ASMTL: variants seen among roughly 807,000 people sequenced by gnomAD.
ASMTL encodes probable bifunctional dTTP/UTP pyrophosphatase/methyltransferase protein.
ASMTL carries 57 observed loss-of-function variants against 60.3 expected under a neutral mutation model. That is an observed-to-expected ratio of 0.95 (90% confidence interval 0.76 to 1.18). The LOEUF (loss-of-function observed/expected upper bound fraction) is 1.18, where lower values mean the gene tolerates loss of function less well. Ranked by LOEUF, ASMTL falls within the 50% of genes most tolerant of loss-of-function variation. ASMTL has a pLI of 0.00. For missense variants in ASMTL, 981 were observed against 852.6 expected (o/e 1.15, Z -1.88); for synonymous variants, 419 against 373.0 (o/e 1.12, Z -1.42).
intron 11 of ASMTL, among the ~76,000 whole-genome samples, chrX:1,416,764 T>G (rs2090292282): frequency 2.3e-5 from 2 of 88,266 alleles, no homozygotes; most frequent in Admixed American, 1.2e-4. Context: ...CACAGACACA[T>G]GCACACACAG....
chrX:1,418,717 G>C (rs1368019956), intron 10 of ASMTL, among the ~76,000 whole-genome samples: 6 of 152,136 alleles, frequency 3.9e-5, no homozygotes, highest in African/African-American at 1.4e-4. Context: ...TTGCTGAGGG[G>C]AATCCAGGGG....
chrX:1,418,443 G>A lies in ASMTL; in HGVS notation c.1379-327C>T, dbSNP rs113376224. ...CACGTGTAGGGGGCACAGACCTACAGGGAAATCCTTTCTGCCCAGGGGTGG... is the reference window on the plus strand; with the variant it reads ...CACGTGTAGGGGGCACAGACCTACAAGGAAATCCTTTCTGCCCAGGGGTGG... On this transcript the variant is annotated intron_variant, in intron 10 of 12. Transcript: ENST00000381317. Among the ~76,000 whole-genome samples, 301 of 152,016 alleles carry A rather than the reference G, an allele frequency of 2.0e-3. 2 individuals carry two copies. The highest frequency in any genetic ancestry group is 6.7e-3 in the African/African-American group (277 of 41,456).
rs1455064127 is a variant in ASMTL at position 1,428,035 on chromosome X, A to C, written c.596T>G (p.Phe199Cys). ...VHGDFLNVVGFPLNHFCKQLV... is the reference protein window; with the variant it reads ...VHGDFLNVVGCPLNHFCKQLV... ...CTGCTTGCAGAAGTGGTTCAGCGGGAATCCCACCACGTTCAGAAAGTCCCC... is the reference window on the plus strand; with the variant it reads ...CTGCTTGCAGAAGTGGTTCAGCGGGCATCCCACCACGTTCAGAAAGTCCCC... Residue 199 changes from phenylalanine to cysteine, a missense_variant, in exon 7 of 13, where the codon TTC (phenylalanine) becomes TGC (cysteine). By Grantham distance (205) the Phe-to-Cys change is radical. Coordinates refer to ENST00000381317, the MANE Select transcript of ASMTL (RefSeq NM_004192.4). 1 of 1,613,584 alleles carries C rather than the reference A, an allele frequency of 6.2e-7. No individual in the cohort carries two copies. The highest frequency in any genetic ancestry group is 8.5e-7 in the Non-Finnish European group (1 of 1,179,864).
intron 5 of ASMTL, among the ~76,000 whole-genome samples, chrX:1,434,422 CGAG>C (rs2090903861): frequency 6.7e-6 from 1 of 148,430 alleles, no homozygotes; most frequent in South Asian, 2.1e-4. Flanking sequence ...CTCAGGAGGT[CGAG>C]GCTGCAGTGA....
chrX:1,425,181 A>G (rs1348786222), intron 8 of ASMTL, among the ~76,000 whole-genome samples: 39 of 152,166 alleles, frequency 2.6e-4, no homozygotes, highest in African/African-American at 9.4e-4. Flanking sequence ...CTGTCTACCC[A>G]TCCATCTACG....
chrX:1,434,552 C>T (rs1332336254), intron 5 of ASMTL, among the ~76,000 whole-genome samples: 4 of 150,394 alleles, frequency 2.7e-5, no homozygotes, highest in South Asian at 2.1e-4. Flanking sequence ...ACCTGTAATC[C>T]CAGCACTTTG....
chrX:1,421,397 A>G (rs1227188546), intron 9 of ASMTL, among the ~76,000 whole-genome samples: 1 of 152,130 alleles, frequency 6.6e-6, no homozygotes, highest in Admixed American at 6.5e-5. Context: ...GCCCCTGAGC[A>G]TGGCCTTCAA....
intron 1 of ASMTL, among the ~76,000 whole-genome samples, chrX:1,443,163 G>A (rs62604191): frequency 0.97 from 137,865 of 142,258 alleles, 66,831 homozygotes; most frequent in Non-Finnish European, 0.99. Flanking sequence ...GACACACACC[G>A]CCATCGTGGA....
At chrX:1,405,849 AGATG>A (rs1171495244) in intron 12 of ASMTL, among the ~76,000 whole-genome samples, 6 of 150,530 alleles carry the variant, frequency 4.0e-5, no homozygotes, top group African/African-American at 1.2e-4. Context: ...GTACATAGGT[AGATG>A]GATGGATGGA....
At chrX:1,452,518 C>T (rs1287919599) in intron 1 of ASMTL, among the ~76,000 whole-genome samples, 19 of 150,312 alleles carry the variant, frequency 1.3e-4, no homozygotes, top group African/African-American at 4.7e-4. Context: ...CACTCCCCAC[C>T]CCCATGCCTA....
At chrX:1,435,583 GACGGCAGAGC>G in intron 4 of ASMTL, 101 bp downstream of exon 4, 3 of 1,028,248 alleles carry the variant, frequency 2.9e-6, no homozygotes, top group Non-Finnish European at 4.5e-6. Flanking sequence ...GCACAGCTCA[GACGGCAGAGC>G]TGACAGAGAT....
intron 12 of ASMTL, among the ~76,000 whole-genome samples, chrX:1,411,621 C>G (rs866407563): frequency 2.9e-4 from 8 of 27,508 alleles, no homozygotes; most frequent in African/African-American, 1.6e-3. Flanking sequence ...CAGATTAGAT[C>G]CAGCTGCAGA....
intron 8 of ASMTL, among the ~76,000 whole-genome samples, chrX:1,424,939 A>C (rs62636705): frequency 0.67 from 98,116 of 145,720 alleles, 33,775 homozygotes; most frequent in South Asian, 0.87. Flanking sequence ...TCCATTGATC[A>C]ATCCATCTGT....
intron 1 of ASMTL, among the ~76,000 whole-genome samples, chrX:1,449,869 CA>C (rs1448799364): frequency 6.6e-6 from 1 of 151,148 alleles, no homozygotes; most frequent in East Asian, 1.9e-4. Flanking sequence ...TAACTACCCC[CA>C]TCACCAATAA....
At chrX:1,420,250 T>C (rs2090444770) in intron 9 of ASMTL, among the ~76,000 whole-genome samples, 1 of 151,704 alleles carries the variant, frequency 6.6e-6, no homozygotes, top group Non-Finnish European at 1.5e-5. Context: ...CCCATCTCCG[T>C]GTCTGTCTCA....
chrX:1,412,780 C>G lies in ASMTL; in HGVS notation c.1597G>C (p.Asp533His). Reference protein sequence around the residue: ...LCRILHDWPDDKVHKLLSRVA... With the variant: ...LCRILHDWPDHKVHKLLSRVA... ...CTGCTGAGTAACTTGTGGACTTTGTCGTCTGGCCAGTCATGCAGGATCCGG... is the reference window on the plus strand; with the variant it reads ...CTGCTGAGTAACTTGTGGACTTTGTGGTCTGGCCAGTCATGCAGGATCCGG... Residue 533 changes from aspartate to histidine, a missense_variant, in exon 12 of 13, where the codon GAC (aspartate) becomes CAC (histidine). Physicochemically the swap from Asp to His is moderately conservative, Grantham distance 81 (BLOSUM62 -1). Transcript: ENST00000381317. The G allele has an allele frequency of 6.2e-7, 1 of 1,613,942 alleles. No homozygotes were observed. Among genetic ancestry groups the G allele is most frequent in the Non-Finnish European group, 8.5e-7 (1 of 1,179,850 alleles).
intron 5 of ASMTL, among the ~76,000 whole-genome samples, chrX:1,434,496 A>AT (rs1452848436): frequency 6.7e-6 from 1 of 149,532 alleles, no homozygotes; most frequent in East Asian, 2.0e-4. Context: ...TCTCAAAAAA[A>AT]AAAAAAAGAA....
intron 5 of ASMTL, among the ~76,000 whole-genome samples, chrX:1,433,686 GAA>G (rs1327286587): frequency 6.9e-6 from 1 of 145,434 alleles, no homozygotes. Flanking sequence ...TCACAAAAAA[GAA>G]AAAAAAAAGA....
rs1298949318 is a variant in ASMTL, at chrX:1,442,471, T to C, written c.94-154A>G. Reference sequence around the variant, plus strand: ...CCATCCGCCAAGCTTTCCCTAAGTGTGGCTGGGGAGCCGGGGACTGACCAG... The same window carrying C: ...CCATCCGCCAAGCTTTCCCTAAGTGCGGCTGGGGAGCCGGGGACTGACCAG... On this transcript the variant is annotated intron_variant, in intron 1 of 12. Transcript: ENST00000381317. 3 of 381,042 alleles carry C rather than the reference T, an allele frequency of 7.9e-6. No individual in the cohort carries two copies. In the East Asian group the frequency reaches 4.9e-4, roughly 62 times the overall value. The allele number at this position is 381,042 out of a possible 1,614,324, so 23.6% of individuals were successfully genotyped here. A position where few individuals can be genotyped will look rare whatever the true frequency, so the allele number is the denominator to read the frequency against.
Sources: gnomAD v4.1 joint callset for allele counts (sites outside exome capture counted in the v4.1 genomes callset) on GRCh38, gnomAD v4.1.1 for gene constraint, MANE v1.5 for transcripts, NCBI Gene and HGNC (gene_info 2026-07-23, HGNC 2026-07-21) for gene names.